The following NMNAT2 variants were observed in gnomAD, a reference collection of about 807,000 sequenced individuals.
NMNAT2 encodes the protein nicotinamide/nicotinic acid mononucleotide adenylyltransferase 2.
Under a neutral mutation model 41.6 loss-of-function variants are expected in NMNAT2, and 11 were observed. The observed-to-expected ratio is 0.26, with a 90% CI of 0.17 to 0.44. The LOEUF is 0.44. NMNAT2 is among the 20% of genes least tolerant of loss of function. The pLI is 1.00. For missense variants in NMNAT2, 288 were observed against 407.7 expected (o/e 0.71, Z 2.53); for synonymous variants, 148 against 151.2 (o/e 0.98, Z 0.16).
rs566302363 is a variant in NMNAT2 at position 183,401,543 on chromosome 1, G to A, written c.85+16640C>T. On this transcript the variant is annotated intron_variant, in intron 1 of 10. Coordinates refer to ENST00000287713, the MANE Select transcript of NMNAT2 (RefSeq NM_015039.4). ...GGATCTAGAACTAGAAATACCATTT[G>A]ACCCAGCCATCCCATTACTGGGTGT... Among the ~76,000 whole-genome samples the A allele has an allele frequency of 2.0e-5, 3 of 152,320 alleles. No homozygotes were observed. The East Asian group carries it at 5.8e-4, about 29-fold the overall frequency.
intron 1 of NMNAT2, among the ~76,000 whole-genome samples, chr1:183,388,290 G>C (rs1648320350): frequency 6.6e-6 from 1 of 150,888 alleles, no homozygotes; most frequent in South Asian, 2.1e-4. Flanking sequence ...ACATTTATTT[G>C]GGGAAAAAAA....
At chr1:183,400,276 A>G (rs1267132525) in intron 1 of NMNAT2, among the ~76,000 whole-genome samples, 2 of 152,166 alleles carry the variant, frequency 1.3e-5, no homozygotes, top group Non-Finnish European at 2.9e-5. Flanking sequence ...ATAATAGACA[A>G]ACAAAGAGCC....
At position 183,409,314 on chromosome 1, in the gene NMNAT2, T is replaced by C. The variant is rs763994475; in HGVS notation, c.85+8869A>G. 4.7e-4 allele frequency among the ~76,000 whole-genome samples: 71 copies of C among 152,278 alleles called. No homozygotes were observed. The Middle Eastern group carries it at 0.02, about 44-fold the overall frequency. On this transcript the variant is annotated intron_variant, in intron 1 of 10. Transcript: ENST00000287713. ...ATTTCAATAGTCATGGAGAATGATA[T>C]ATTTTTGTTTTTGTTTTCTTGAGAC...
intron 1 of NMNAT2, among the ~76,000 whole-genome samples, chr1:183,331,292 G>A (rs550052885): frequency 6.6e-6 from 1 of 152,298 alleles, no homozygotes. Flanking sequence ...TCTGGGGGAG[G>A]GTTGCCAAAG....
intron 1 of NMNAT2, among the ~76,000 whole-genome samples, chr1:183,387,592 A>G (rs1389520901): frequency 6.6e-6 from 1 of 152,220 alleles, no homozygotes; most frequent in African/African-American, 2.4e-5. Flanking sequence ...TCTTGGTCTT[A>G]ACCTGGTGCG....
intron 4 of NMNAT2, among the ~76,000 whole-genome samples, chr1:183,289,451 G>T (rs961624941): frequency 2.6e-5 from 4 of 152,192 alleles, no homozygotes; most frequent in African/African-American, 9.6e-5. Flanking sequence ...TCTGCAGCCC[G>T]GCCACAGGCC....
intron 7 of NMNAT2, 37 bp downstream of exon 7, chr1:183,283,958 A>G (rs551464269): frequency 1.9e-6 from 3 of 1,609,794 alleles, no homozygotes; most frequent in East Asian, 2.2e-5. Flanking sequence ...GGAGCTCCAA[A>G]TGTCCCCATT....
At chr1:183,356,718 T>C (rs556454509) in intron 1 of NMNAT2, among the ~76,000 whole-genome samples, 1 of 152,352 alleles carries the variant, frequency 6.6e-6, no homozygotes, top group South Asian at 2.1e-4. Context: ...AACAAGGAGA[T>C]GAGAAATGTT....
intron 10 of NMNAT2, among the ~76,000 whole-genome samples, chr1:183,258,630 GAAATTA>G (rs1660578001): frequency 2.0e-5 from 3 of 152,154 alleles, no homozygotes; most frequent in African/African-American, 7.2e-5. Context: ...CACAAGGTTA[GAAATTA>G]CGGTTTAGGA....
chr1:183,301,415 C>T (rs1661849349), intron 1 of NMNAT2, among the ~76,000 whole-genome samples: 1 of 152,236 alleles, frequency 6.6e-6, no homozygotes, highest in Non-Finnish European at 1.5e-5. Flanking sequence ...AGCCCATTGG[C>T]AAAGCTGTAG....
intron 1 of NMNAT2, among the ~76,000 whole-genome samples, chr1:183,329,690 C>T (rs114019192): frequency 0.016 from 2,484 of 152,284 alleles, 29 homozygotes; most frequent in Non-Finnish European, 0.029. Flanking sequence ...TATTCACTTT[C>T]CTTCCTGCTC....
chr1:183,333,418 G>T (rs1255771893), intron 1 of NMNAT2, among the ~76,000 whole-genome samples: 1 of 152,214 alleles, frequency 6.6e-6, no homozygotes, highest in Admixed American at 6.5e-5. Context: ...CTTCAAATGG[G>T]AAGATAATCC....
chr1:183,270,460 A>C (rs1460304263), intron 8 of NMNAT2, among the ~76,000 whole-genome samples: 1 of 152,104 alleles, frequency 6.6e-6, no homozygotes, highest in South Asian at 2.1e-4. Flanking sequence ...CTCTGGAGGA[A>C]AGGCTGGGAG....
At chr1:183,408,195 T>C (rs2101930484) in intron 1 of NMNAT2, among the ~76,000 whole-genome samples, 1 of 152,294 alleles carries the variant, frequency 6.6e-6, no homozygotes, top group South Asian at 2.1e-4. Context: ...ATTCCAGGGG[T>C]TGGCAAGCTT....
At chr1:183,273,222 G>A (rs556675516) in intron 8 of NMNAT2, among the ~76,000 whole-genome samples, 1 of 152,206 alleles carries the variant, frequency 6.6e-6, no homozygotes, top group Non-Finnish European at 1.5e-5. Flanking sequence ...GAGTCTGAGA[G>A]CCTACTCTGG....
At chr1:183,375,388 A>C (rs577390544) in intron 1 of NMNAT2, among the ~76,000 whole-genome samples, 6 of 151,168 alleles carry the variant, frequency 4.0e-5, no homozygotes, top group South Asian at 2.1e-4. Context: ...TCCACACCCT[A>C]CTCCCCACTT....
intron 1 of NMNAT2, among the ~76,000 whole-genome samples, chr1:183,315,778 TAAAA>T (rs11454305): frequency 1.6e-5 from 2 of 125,896 alleles, no homozygotes; most frequent in Non-Finnish European, 3.3e-5. Flanking sequence ...AGACTCCGTG[TAAAA>T]AAAAAAAAAA....
At chr1:183,311,947 A>T (rs1662132940) in intron 1 of NMNAT2, among the ~76,000 whole-genome samples, 1 of 152,034 alleles carries the variant, frequency 6.6e-6, no homozygotes, top group Non-Finnish European at 1.5e-5. Context: ...ATCTGATGGT[A>T]TTATAAGGGG....
chr1:183,299,477 A>C (rs1661791652), intron 1 of NMNAT2, among the ~76,000 whole-genome samples: 1 of 152,218 alleles, frequency 6.6e-6, no homozygotes, highest in African/African-American at 2.4e-5. Context: ...AGGCAATCTC[A>C]AAAGTTTGCT....
Sources: allele counts gnomAD v4.1 joint callset (sites outside exome capture counted in the v4.1 genomes callset), GRCh38; gene constraint gnomAD v4.1.1; transcripts MANE v1.5; gene names NCBI Gene and HGNC (gene_info 2026-07-23, HGNC 2026-07-21).